The following BEGAIN variants were observed in gnomAD, a reference collection of about 807,000 sequenced individuals.
BEGAIN encodes the protein brain-enriched guanylate kinase-associated protein.
BEGAIN carries 19 observed loss-of-function variants against 35.8 expected under a neutral mutation model. The ratio of observed to expected loss-of-function variants is 0.53; its 90% CI spans 0.37 to 0.78. The LOEUF (loss-of-function observed/expected upper bound fraction) is 0.78. Among genes scored for constraint, BEGAIN ranks in the 30% least tolerant of loss-of-function variants. The pLI is 0.00. For missense variants in BEGAIN, 795 were observed against 853.6 expected, an observed-to-expected ratio of 0.93 and a Z score of 0.85; for synonymous variants, 462 against 388.6, an observed-to-expected ratio of 1.19 and a Z score of -2.22.
intron 2 of BEGAIN, among the ~76,000 whole-genome samples, chr14:100,564,055 C>T (rs1566975475): frequency 6.6e-6 from 1 of 150,742 alleles, no homozygotes; most frequent in African/African-American, 2.4e-5. Context: ...GTCCCGGTGA[C>T]TGCTTGGAGT....
intron 1 of BEGAIN, among the ~76,000 whole-genome samples, chr14:100,574,443 G>A (rs7155239): frequency 0.038 from 5,740 of 151,984 alleles, 157 homozygotes; most frequent in African/African-American, 0.085. Context: ...GCCAGGCTAG[G>A]CTGGTGACTG....
In BEGAIN at chr14:100,558,931, G is replaced by A. The variant is rs1293709496; in HGVS notation, c.71+8980C>T. On this transcript the variant is annotated intron_variant, in intron 2 of 6. Transcript: ENST00000554140. The surrounding 1 kb of genome is among the most constrained non-coding windows in gnomAD (Gnocchi z 4.6). Reference sequence around the variant, plus strand: ...CACACAGCTGGGAGCATGCCGGTGGGGCCAGGGCGCGTCCTGGAGATTGGT... The same window carrying A: ...CACACAGCTGGGAGCATGCCGGTGGAGCCAGGGCGCGTCCTGGAGATTGGT... Among the ~76,000 whole-genome samples the A allele has an allele frequency of 6.6e-6, 1 of 152,228 alleles. No individual in the cohort carries two copies. The highest frequency in any genetic ancestry group is 1.5e-5 in the Non-Finnish European group (1 of 68,036).
chr14:100,569,296 C>G (rs1026714140), intron 1 of BEGAIN: 8 of 152,214 alleles, frequency 5.3e-5, no homozygotes, highest in Non-Finnish European at 1.5e-5. Context: ...TCCCCAGACG[C>G]TCTAAAAGTT....
At position 100,537,643 on chromosome 14, in the gene BEGAIN, G is replaced by T. The variant is rs933849006; in HGVS notation, c.*326C>A. 1.0e-5 allele frequency: 3 copies of T among 298,772 alleles called. No individual in the cohort carries two copies. The highest frequency in any genetic ancestry group is 9.4e-5 in the Admixed American group (2 of 21,182). 18.5% of individuals were successfully genotyped at this position (298,772 alleles called of 1,614,324 possible). On this transcript the variant is annotated 3_prime_UTR_variant, in exon 7 of 7. Coordinates refer to ENST00000554140, the MANE Select transcript of BEGAIN (RefSeq NM_001385089.1). ...AAGGCAGCCGTCCAGGGAGCTGGAG[G>T]CCAAGTGCGTTAAGAAAGACCCTTT... is the stretch of plus-strand genomic sequence containing the variant.
intron 5 of BEGAIN, among the ~76,000 whole-genome samples, chr14:100,542,144 G>A: frequency 6.6e-6 from 1 of 152,008 alleles, no homozygotes; most frequent in Non-Finnish European, 1.5e-5. Flanking sequence ...CTGTCCTCCT[G>A]TTAGAGCCAC....
Position 100,568,539 on chromosome 14 carries a change from C to A in BEGAIN, c.43-600G>T, listed in dbSNP as rs1438247479. ...GGTTTTGGGCCTGGCTTGCCCCTCCCGGGCCCCAGGGATTAACCCGTGAGC... is the reference window on the plus strand; with the variant it reads ...GGTTTTGGGCCTGGCTTGCCCCTCCAGGGCCCCAGGGATTAACCCGTGAGC... On this transcript the variant is annotated intron_variant, in intron 1 of 6. Transcript: ENST00000554140. This position sits in a 1 kb window ranked among gnomAD's most constrained non-coding sequence, Gnocchi z 7.5. The A allele has an allele frequency of 4.6e-5, 59 of 1,284,640 alleles. No homozygotes were observed. The South Asian group carries it at 6.0e-4, about 13-fold the overall frequency. 79.6% of individuals were successfully genotyped at this position (1,284,640 alleles called of 1,614,324 possible).
chr14:100,559,005 G>C (rs2034006966), intron 2 of BEGAIN, among the ~76,000 whole-genome samples: 1 of 152,130 alleles, frequency 6.6e-6, no homozygotes, highest in Non-Finnish European at 1.5e-5. Flanking sequence ...CAGACAAGGG[G>C]TGGGCCTGGG....
chr14:100,562,194 G>A (rs909290126), intron 2 of BEGAIN, among the ~76,000 whole-genome samples: 1 of 152,098 alleles, frequency 6.6e-6, no homozygotes, highest in Non-Finnish European at 1.5e-5. Context: ...GGGCCTGGGG[G>A]AAAGGGACAA....
At chr14:100,564,012 G>A (rs2034486715) in intron 2 of BEGAIN, among the ~76,000 whole-genome samples, 1 of 152,108 alleles carries the variant, frequency 6.6e-6, no homozygotes, top group Non-Finnish European at 1.5e-5. Flanking sequence ...AGAACCACGA[G>A]GACAGCAAGG....
intron 2 of BEGAIN, among the ~76,000 whole-genome samples, chr14:100,553,606 A>T (rs2033417167): frequency 6.6e-6 from 1 of 151,750 alleles, no homozygotes; most frequent in Non-Finnish European, 1.5e-5. Flanking sequence ...TCCCCTGGAC[A>T]TGTCCTCGTC....
chr14:100,537,906 C>T lies in BEGAIN; in HGVS notation c.*63G>A, dbSNP rs1230139758. 7.8e-6 allele frequency: 12 copies of T among 1,529,362 alleles called. No homozygotes were observed. The Admixed American group carries it at 2.2e-4, about 28-fold the overall frequency. 94.7% of individuals were successfully genotyped at this position (1,529,362 alleles called of 1,614,324 possible). A position where few individuals can be genotyped will look rare whatever the true frequency, so the allele number is the denominator to read the frequency against. On this transcript the variant is annotated 3_prime_UTR_variant, in exon 7 of 7. Coordinates refer to ENST00000554140, the MANE Select transcript of BEGAIN (RefSeq NM_001385089.1). ...AGCGGGGGCTGGGGAGAGGTGAGGC[C>T]GGCCCTTCTGGGGCACGTGGGCTGG...
chr14:100,564,738 G>C (rs2034555307), intron 2 of BEGAIN, among the ~76,000 whole-genome samples: 2 of 152,098 alleles, frequency 1.3e-5, no homozygotes, highest in African/African-American at 4.8e-5. Flanking sequence ...CCTCTGCCAG[G>C]CACTGTGGCT....
rs543031725 is a variant in BEGAIN, at chr14:100,571,595, C to T, written c.43-3656G>A. ...TTGGGGCCAGGGACCTTGCTATCTT[C>T]CCTGTGGCACCCGGGCACAGAGACT... On this transcript the variant is annotated intron_variant, in intron 1 of 6. Transcript: ENST00000554140. 1.1e-3 allele frequency among the ~76,000 whole-genome samples: 165 copies of T among 152,306 alleles called. 1 individual carries two copies. Among genetic ancestry groups the T allele is most frequent in the Admixed American group, 3.5e-3 (53 of 15,304 alleles).
chr14:100,559,742 C>T (rs2034070492), intron 2 of BEGAIN, among the ~76,000 whole-genome samples: 1 of 152,212 alleles, frequency 6.6e-6, no homozygotes, highest in African/African-American at 2.4e-5. Context: ...CCCCTCCACG[C>T]CCTGGGTCTC....
chr14:100,558,191 GAA>G lies in BEGAIN; in HGVS notation c.71+9718_71+9719del, dbSNP rs78959186. 0.17 allele frequency among the ~76,000 whole-genome samples: 26,284 copies of G among 152,018 alleles called. 3,113 individuals carry two copies. The highest frequency in any genetic ancestry group is 0.54 in the East Asian group (2,774 of 5,116). ...GTACAGTCCCTGTTCCCTGATCAAT[GAA>G]AGTGTCTGACCTTTCTGCCTCTGCC... On this transcript the variant is annotated intron_variant, in intron 2 of 6. Transcript: ENST00000554140. The surrounding 1 kb of genome is among the most constrained non-coding windows in gnomAD (Gnocchi z 4.6).
chr14:100,575,625 C>T (rs1187147094), intron 1 of BEGAIN, among the ~76,000 whole-genome samples: 1 of 152,120 alleles, frequency 6.6e-6, no homozygotes, highest in Non-Finnish European at 1.5e-5. Context: ...TCATGAGATA[C>T]GATCCTGGGG....
chr14:100,579,104 G>A (rs1298278915), intron 1 of BEGAIN, among the ~76,000 whole-genome samples: 19 of 152,102 alleles, frequency 1.2e-4, no homozygotes, highest in African/African-American at 3.6e-4. Flanking sequence ...CAGGTGATCC[G>A]CCTGCCTTGG....
Position 100,563,623 on chromosome 14 carries a change from G to T in BEGAIN, c.71+4288C>A, listed in dbSNP as rs964913871. On this transcript the variant is annotated intron_variant, in intron 2 of 6. Transcript: ENST00000554140. This position sits in a 1 kb window ranked among gnomAD's most constrained non-coding sequence, Gnocchi z 4.2. ...CCACCCCAACAACGCTGGAGGGACAGTGATGGGGAGAAGCGGTTTCAAGAG... is the reference window on the plus strand; with the variant it reads ...CCACCCCAACAACGCTGGAGGGACATTGATGGGGAGAAGCGGTTTCAAGAG... Among the ~76,000 whole-genome samples the T allele has an allele frequency of 6.6e-6, 1 of 152,234 alleles. No homozygotes were observed. The highest frequency in any genetic ancestry group is 1.5e-5 in the Non-Finnish European group (1 of 68,046).
At chr14:100,545,466 T>C (rs1268249057) in intron 3 of BEGAIN, 1 of 1,018,248 alleles carries the variant, frequency 9.8e-7, no homozygotes, top group Non-Finnish European at 1.2e-6. Flanking sequence ...AACTTAACAC[T>C]AACTATGTGA....
Sources: gnomAD v4.1 joint callset for allele counts (sites outside exome capture counted in the v4.1 genomes callset) on GRCh38, gnomAD v4.1.1 for gene constraint, Gnocchi (gnomAD v3.1) non-coding constraint, MANE v1.5 for transcripts, NCBI Gene and HGNC (gene_info 2026-07-23, HGNC 2026-07-21) for gene names.